The following FLRT2 variants were observed in gnomAD, a reference collection of about 807,000 sequenced individuals.
FLRT2 encodes the protein leucine-rich repeat transmembrane protein FLRT2.
Under a neutral mutation model 40.0 loss-of-function variants are expected in FLRT2, and 15 were observed. The ratio of observed to expected loss-of-function variants is 0.38; its 90% CI spans 0.25 to 0.58. FLRT2 has a LOEUF of 0.58. FLRT2 is among the 20% of genes least tolerant of loss of function. The pLI is 0.71. For missense variants in FLRT2, 726 were observed against 840.0 expected, an observed-to-expected ratio of 0.86 and a Z score of 1.68; for synonymous variants, 380 against 336.8, an observed-to-expected ratio of 1.13 and a Z score of -1.41.
intron 1 of FLRT2, among the ~76,000 whole-genome samples, chr14:85,542,159 C>G (rs1274686246): frequency 6.6e-6 from 1 of 152,130 alleles, no homozygotes; most frequent in Non-Finnish European, 1.5e-5. Context: ...CATTGTGGAA[C>G]TATTTCTTTC....
chr14:85,534,707 G>A (rs571481838), intron 1 of FLRT2, among the ~76,000 whole-genome samples: 64 of 152,116 alleles, frequency 4.2e-4, no homozygotes, highest in Admixed American at 4.1e-3. Flanking sequence ...AAGGTAGTGA[G>A]TGGCCGCGTG....
chr14:85,551,544 A>G (rs1489270524), intron 1 of FLRT2: 1 of 152,184 alleles, frequency 6.6e-6, no homozygotes, highest in Admixed American at 6.5e-5. Flanking sequence ...TGTTGTGGCT[A>G]TGATGTTTTT....
chr14:85,635,731 T>C lies in FLRT2; in HGVS notation c.*12234T>C, dbSNP rs1055810505. On this transcript the variant is annotated 3_prime_UTR_variant, in exon 2 of 2. Transcript: ENST00000330753. ...AATTATGGTTTAAAAAAAAGAAAGA[T>C]GAAAACTTTTTAGAATAATTAGGAA... 1 of 152,070 alleles carries C rather than the reference T, an allele frequency of 6.6e-6. No individual in the cohort carries two copies. The highest frequency in any genetic ancestry group is 1.5e-5 in the Non-Finnish European group (1 of 67,954). 9.4% of individuals were successfully genotyped at this position (152,070 alleles called of 1,614,324 possible). A position where few individuals can be genotyped will look rare whatever the true frequency, so the allele number is the denominator to read the frequency against.
At chr14:85,606,967 C>T (rs2139343974) in intron 1 of FLRT2, among the ~76,000 whole-genome samples, 1 of 151,442 alleles carries the variant, frequency 6.6e-6, no homozygotes, top group East Asian at 2.0e-4. Context: ...GATTGCCTTC[C>T]CTCATGACAT....
intron 1 of FLRT2, among the ~76,000 whole-genome samples, chr14:85,599,527 T>A (rs948781324): frequency 6.6e-6 from 1 of 152,200 alleles, no homozygotes; most frequent in East Asian, 1.9e-4. Context: ...TATTCAGGCA[T>A]TGAACACTGG....
intron 1 of FLRT2, among the ~76,000 whole-genome samples, chr14:85,580,259 T>A (rs1348718448): frequency 6.6e-6 from 1 of 152,186 alleles, no homozygotes; most frequent in Non-Finnish European, 1.5e-5. Context: ...GTAGCAAATT[T>A]AGGCCAGAAT....
At chr14:85,597,029 TAGAG>T (rs1566747133) in intron 1 of FLRT2, among the ~76,000 whole-genome samples, 2 of 152,138 alleles carry the variant, frequency 1.3e-5, no homozygotes, top group Non-Finnish European at 2.9e-5. Flanking sequence ...ATGAAAAAAA[TAGAG>T]AGGAACACCA....
At position 85,623,530 on chromosome 14, in the gene FLRT2, A is replaced by G; in HGVS notation, c.*33A>G. 5 of 1,409,034 alleles carry G rather than the reference A, an allele frequency of 3.5e-6. No homozygotes were observed. The highest frequency in any genetic ancestry group is 2.9e-5 in the African/African-American group (2 of 69,630). 87.3% of individuals were successfully genotyped at this position (1,409,034 alleles called of 1,614,324 possible). On this transcript the variant is annotated 3_prime_UTR_variant, in exon 2 of 2. Transcript: ENST00000330753. The stretch of plus-strand genomic sequence containing the variant: ...AGGCCCAGCGTTATCAAGGCGGACA[A>G]TTAGACTCTTGAGAACACACTCGTG...
At chr14:85,616,569 A>C (rs950137862) in intron 1 of FLRT2, among the ~76,000 whole-genome samples, 7 of 152,162 alleles carry the variant, frequency 4.6e-5, no homozygotes, top group African/African-American at 1.4e-4. Flanking sequence ...TTCACATTAC[A>C]AGCAGCTTGG....
intron 1 of FLRT2, among the ~76,000 whole-genome samples, chr14:85,536,123 G>A (rs1888647371): frequency 6.6e-6 from 1 of 151,978 alleles, no homozygotes; most frequent in Admixed American, 6.6e-5. Flanking sequence ...TCATATACGA[G>A]TTTGACTTTG....
chr14:85,548,548 T>C (rs146670729), intron 1 of FLRT2, among the ~76,000 whole-genome samples: 83 of 152,354 alleles, frequency 5.4e-4, no homozygotes, highest in African/African-American at 2.0e-3. Context: ...GCCAAATTAA[T>C]TGTGCTATAG....
At chr14:85,580,416 G>A (rs981905353) in intron 1 of FLRT2, among the ~76,000 whole-genome samples, 4 of 152,112 alleles carry the variant, frequency 2.6e-5, no homozygotes, top group Admixed American at 2.6e-4. Flanking sequence ...TGCAAAAGAA[G>A]TTTGTGTTCA....
intron 1 of FLRT2, among the ~76,000 whole-genome samples, chr14:85,591,517 A>G (rs1412002300): frequency 1.3e-5 from 2 of 152,210 alleles, no homozygotes; most frequent in South Asian, 2.1e-4. Flanking sequence ...CCAATTAGAA[A>G]TTTGGCAATG....
rs1297051564 is a variant in FLRT2, at chr14:85,624,351, A to G, written c.*854A>G. 6.0e-6 allele frequency: 1 copy of G among 167,076 alleles called. No homozygotes were observed. Among genetic ancestry groups the G allele is most frequent in the African/African-American group, 2.4e-5 (1 of 41,446 alleles). The allele number at this position is 167,076 out of a possible 1,614,324, so 10.3% of individuals were successfully genotyped here. ...CACATTCAACAGAGATATATTCTAG[A>G]ATACTTTTTTAGAAGAGGCTAATAA... On this transcript the variant is annotated 3_prime_UTR_variant, in exon 2 of 2. Coordinates refer to ENST00000330753, the MANE Select transcript of FLRT2 (RefSeq NM_013231.6).
intron 1 of FLRT2, among the ~76,000 whole-genome samples, chr14:85,620,861 A>G (rs1893347512): frequency 6.6e-6 from 1 of 152,214 alleles, no homozygotes; most frequent in Non-Finnish European, 1.5e-5. Flanking sequence ...GATAAAGAAT[A>G]GATAAAAGAG....
intron 1 of FLRT2, among the ~76,000 whole-genome samples, chr14:85,600,290 C>T (rs976600953): frequency 2.0e-5 from 3 of 152,116 alleles, no homozygotes; most frequent in Admixed American, 6.6e-5. Context: ...GTGTGGCTGT[C>T]GGTATCCATG....
intron 1 of FLRT2, among the ~76,000 whole-genome samples, chr14:85,533,099 C>A (rs1326525867): frequency 6.6e-6 from 1 of 152,114 alleles, no homozygotes; most frequent in Admixed American, 6.5e-5. Context: ...AGCAGCCGCG[C>A]CTCCCAAGCA....
In FLRT2 at chr14:85,621,823, C is replaced by A. The variant is rs1893399677; in HGVS notation, c.309C>A (p.Phe103Leu). 6.2e-7 allele frequency: 1 copy of A among 1,614,052 alleles called. No individual in the cohort carries two copies. Among genetic ancestry groups the A allele is most frequent in the Non-Finnish European group, 8.5e-7 (1 of 1,180,030 alleles). ...VYLYGNQLDE[F>L]PMNLPKNVRV... ...TGTATGGCAACCAACTGGACGAATT[C>A]CCCATGAACCTTCCCAAGAATGTCA... The change falls in exon 2 of 2, where the codon TTC becomes TTA. Residue 103 changes from phenylalanine (F) to leucine (L), a missense_variant. This residue lies in a region of FLRT2 where 9 missense variants were observed against 28.8 expected (regional missense o/e 0.31). Transcript: ENST00000330753.
intron 1 of FLRT2, among the ~76,000 whole-genome samples, chr14:85,605,427 A>T (rs930877321): frequency 6.6e-6 from 1 of 152,232 alleles, no homozygotes. Flanking sequence ...AATATCAGAC[A>T]TAATTGGGAC....
Sources: allele counts gnomAD v4.1 joint callset (sites outside exome capture counted in the v4.1 genomes callset), GRCh38; gene constraint gnomAD v4.1.1; regional missense constraint gnomAD v4.1.1; transcripts MANE v1.5; gene names NCBI Gene and HGNC (gene_info 2026-07-23, HGNC 2026-07-21).